The following CCSER1 variants were observed in gnomAD, a reference collection of about 807,000 sequenced individuals.
The protein encoded by CCSER1 is serine-rich coiled-coil domain-containing protein 1.
CCSER1 carries 41 observed loss-of-function variants against 82.0 expected under a neutral mutation model. That is an observed-to-expected ratio of 0.50 (90% CI 0.39 to 0.65). The LOEUF (loss-of-function observed/expected upper bound fraction) is 0.65. Among genes scored for constraint, CCSER1 ranks in the 30% least tolerant of loss-of-function variants. The pLI, the probability that CCSER1 is intolerant of heterozygous loss-of-function variation, is 0.00. For missense variants in CCSER1, 1,119 were observed against 1,064.2 expected (o/e 1.05, Z -0.72); for synonymous variants, 414 against 383.9 (o/e 1.08, Z -0.92).
intron 10 of CCSER1, among the ~76,000 whole-genome samples, chr4:91,563,867 A>C (rs937201401): frequency 1.3e-5 from 2 of 151,850 alleles, no homozygotes; most frequent in African/African-American, 4.8e-5. Context: ...CAAAATAAGC[A>C]TACAAAGTTA....
chr4:91,385,711 G>T (rs573956097), intron 10 of CCSER1, among the ~76,000 whole-genome samples: 1 of 151,832 alleles, frequency 6.6e-6, no homozygotes, highest in South Asian at 2.1e-4. Context: ...CACGGGGTAA[G>T]GGAAAAGTGG....
rs373802428 is a variant in CCSER1 at position 90,271,890 on chromosome 4, T to TAAA, written c.-41-36352_-41-36350dup. Among the ~76,000 whole-genome samples the TAAA allele has an allele frequency of 7.8e-4, 55 of 70,126 alleles. 6 individuals carry two copies. The highest frequency in any genetic ancestry group is 2.2e-3 in the African/African-American group (40 of 18,272). 46.0% of individuals were successfully genotyped at this position (70,126 alleles called of 152,430 possible). ...TTTTTTTTTTTTTTTTTTTTTTTTT[T>TAAA]AAAAGGAGGTTTAATTGACTCACAG... On this transcript the variant is annotated intron_variant, in intron 1 of 10. Transcript: ENST00000509176.
At chr4:90,712,819 C>G (rs1457628816) in intron 6 of CCSER1, among the ~76,000 whole-genome samples, 3 of 149,814 alleles carry the variant, frequency 2.0e-5, no homozygotes, top group African/African-American at 7.4e-5. Flanking sequence ...TCTGGGTGCT[C>G]CTGTATTGAG....
chr4:90,481,094 A>G (rs894182713), intron 5 of CCSER1, among the ~76,000 whole-genome samples: 1 of 152,164 alleles, frequency 6.6e-6, no homozygotes, highest in Non-Finnish European at 1.5e-5. Flanking sequence ...GGTCCTTCAC[A>G]TCCCTTGTAA....
At chr4:91,475,372 G>A (rs913925095) in intron 10 of CCSER1, among the ~76,000 whole-genome samples, 2 of 151,842 alleles carry the variant, frequency 1.3e-5, no homozygotes, top group Admixed American at 6.6e-5. Context: ...GCAGATATGA[G>A]GTTGATATGG....
intron 5 of CCSER1, among the ~76,000 whole-genome samples, chr4:90,521,558 G>A (rs1481500510): frequency 1.3e-5 from 2 of 152,052 alleles, no homozygotes; most frequent in Non-Finnish European, 2.9e-5. Context: ...TGTATGAATG[G>A]CTCATAGCAA....
At chr4:90,336,681 T>C (rs566519164) in intron 3 of CCSER1, among the ~76,000 whole-genome samples, 1 of 152,288 alleles carries the variant, frequency 6.6e-6, no homozygotes, top group South Asian at 2.1e-4. Flanking sequence ...AGGTATTGCA[T>C]AGGGAGTTTA....
intron 3 of CCSER1, chr4:90,325,566 T>G (rs1287857241): frequency 7.9e-6 from 3 of 379,984 alleles, no homozygotes; most frequent in Non-Finnish European, 1.1e-5. Flanking sequence ...ACAGCTTCCA[T>G]AGCATAAGAG....
At chr4:90,931,029 A>C (rs1729737452) in intron 9 of CCSER1, among the ~76,000 whole-genome samples, 1 of 134,446 alleles carries the variant, frequency 7.4e-6, no homozygotes, top group South Asian at 2.2e-4. Flanking sequence ...ATATATATAT[A>C]TCTTTGACAT....
At chr4:90,766,829 A>AT (rs1751316346) in intron 7 of CCSER1, among the ~76,000 whole-genome samples, 1 of 152,102 alleles carries the variant, frequency 6.6e-6, no homozygotes, top group African/African-American at 2.4e-5. Flanking sequence ...AAGTAGGGAC[A>AT]CTGTAAAGAT....
chr4:91,482,784 A>C (rs1266879393), intron 10 of CCSER1, among the ~76,000 whole-genome samples: 1 of 152,158 alleles, frequency 6.6e-6, no homozygotes, highest in African/African-American at 2.4e-5. Context: ...ATGAGTTCAT[A>C]TCCTTTGTAG....
intron 10 of CCSER1, among the ~76,000 whole-genome samples, chr4:91,380,882 T>C (rs1044205751): frequency 6.6e-6 from 1 of 152,206 alleles, no homozygotes; most frequent in Non-Finnish European, 1.5e-5. Context: ...CAGTGGCTGG[T>C]ACTGGTTGTT....
At chr4:90,891,488 G>A (rs1003019086) in intron 8 of CCSER1, among the ~76,000 whole-genome samples, 1 of 151,714 alleles carries the variant, frequency 6.6e-6, no homozygotes, top group Non-Finnish European at 1.5e-5. Context: ...GCCTGTGGAA[G>A]TACATATTAT....
chr4:90,232,479 G>A (rs1744801384), intron 1 of CCSER1, among the ~76,000 whole-genome samples: 1 of 151,896 alleles, frequency 6.6e-6, no homozygotes, highest in African/African-American at 2.4e-5. Context: ...AATTCAAGAT[G>A]GATTAAAGAC....
At chr4:91,401,966 A>G (rs1752366958) in intron 10 of CCSER1, among the ~76,000 whole-genome samples, 1 of 152,180 alleles carries the variant, frequency 6.6e-6, no homozygotes, top group Admixed American at 6.5e-5. Flanking sequence ...ATCCTTGAGG[A>G]ATTTCCACAC....
intron 4 of CCSER1, among the ~76,000 whole-genome samples, chr4:90,462,564 T>A (rs534839553): frequency 6.6e-6 from 1 of 150,602 alleles, no homozygotes; most frequent in African/African-American, 2.5e-5. Context: ...CAAGTTGACA[T>A]ATAAAACAAA....
chr4:90,866,644 A>C (rs1432575838), intron 8 of CCSER1, among the ~76,000 whole-genome samples: 1 of 152,128 alleles, frequency 6.6e-6, no homozygotes, highest in Non-Finnish European at 1.5e-5. Context: ...ATTTCTTAAG[A>C]TGCCACAAAA....
chr4:90,872,360 G>A (rs10001929), intron 8 of CCSER1, among the ~76,000 whole-genome samples: 19,740 of 151,278 alleles, frequency 0.13, 1,345 homozygotes, highest in Admixed American at 0.15. Context: ...TTTGTGTATC[G>A]ATTGCAGTTT....
At chr4:90,592,280 A>T (rs11097254) in intron 5 of CCSER1, among the ~76,000 whole-genome samples, 38,746 of 152,114 alleles carry the variant, frequency 0.25, 5,230 homozygotes, top group East Asian at 0.55. Flanking sequence ...AATTGCAGGC[A>T]TTAGAATAAT....
Sources: allele counts gnomAD v4.1 joint callset (sites outside exome capture counted in the v4.1 genomes callset), GRCh38; gene constraint gnomAD v4.1.1; transcripts MANE v1.5; gene names NCBI Gene and HGNC (gene_info 2026-07-23, HGNC 2026-07-21).